The following DOC2A variants were observed in gnomAD, a reference collection of about 807,000 sequenced individuals.
The protein encoded by DOC2A is double C2-like domain-containing protein alpha.
Under a neutral mutation model 40.6 loss-of-function variants are expected in DOC2A, and 28 were observed. The ratio of observed to expected loss-of-function variants is 0.69; its 90% confidence interval spans 0.51 to 0.95. The LOEUF is 0.95. Ranked by LOEUF, DOC2A falls within the 40% of genes least tolerant of loss-of-function variation. The pLI is 0.00. For synonymous variants in DOC2A, 241 were observed against 236.9 expected (o/e 1.02, Z -0.16); for missense variants, 474 against 552.5 (o/e 0.86, Z 1.42).
rs368650314 is a variant in DOC2A, at chr16:30,006,379, C to T, written c.1057+34G>A. 42 of 1,613,216 alleles carry T rather than the reference C, an allele frequency of 2.6e-5. No homozygotes were observed. The Admixed American group carries it at 2.7e-4, about 10-fold the overall frequency. ...CAGGGCCACCTCCCTGCCACTTGCCCGCCCTCAACACCCGCAGCCAGCTCC... is the reference window on the plus strand; with the variant it reads ...CAGGGCCACCTCCCTGCCACTTGCCTGCCCTCAACACCCGCAGCCAGCTCC... On this transcript the variant is annotated intron_variant, in intron 10 of 10. Coordinates refer to ENST00000350119, the MANE Select transcript of DOC2A (RefSeq NM_003586.3). The surrounding 1 kb of genome is among the most constrained non-coding windows in gnomAD (Gnocchi z 6.2).
intron 1 of DOC2A, chr16:30,021,090 C>CA (rs2070903323): frequency 6.6e-6 from 1 of 152,258 alleles, no homozygotes; most frequent in African/African-American, 2.4e-5. Context: ...TCCCCACCCC[C>CA]GCCCCGCTGC....
In DOC2A at chr16:30,010,540, G is replaced by A. The variant is rs1596707557; in HGVS notation, c.-13-305C>T. On this transcript the variant is annotated intron_variant, in intron 1 of 10. Transcript: ENST00000350119. The surrounding 1 kb of genome is among the most constrained non-coding windows in gnomAD (Gnocchi z 4.2). ...TTGCCAGCTCCTTCCTCTCCTCCGG[G>A]GCTCCCCTCTGCTCCTGAGCCTGCC... is the stretch of plus-strand genomic sequence containing the variant. 1 of 454,636 alleles carries A rather than the reference G, an allele frequency of 2.2e-6. No individual in the cohort carries two copies. 28.2% of individuals were successfully genotyped at this position (454,636 alleles called of 1,614,324 possible). A position where few individuals can be genotyped will look rare whatever the true frequency, so the allele number is the denominator to read the frequency against.
Position 30,010,979 on chromosome 16 carries a change from G to T in DOC2A, c.-90C>A, listed in dbSNP as rs891600349. 1.0e-6 allele frequency: 1 copy of T among 1,003,316 alleles called. No individual in the cohort carries two copies. Among genetic ancestry groups the T allele is most frequent in the Non-Finnish European group, 1.2e-6 (1 of 840,412 alleles). The allele number at this position is 1,003,316 out of a possible 1,614,324, so 62.2% of individuals were successfully genotyped here. Reference sequence around the variant, plus strand: ...GGCGGCGGCGGCCGGCGAGGAGAGCGCGGAGTCGAGCTGTGCGAGCCGAGA... The same window carrying T: ...GGCGGCGGCGGCCGGCGAGGAGAGCTCGGAGTCGAGCTGTGCGAGCCGAGA... On this transcript the variant is annotated 5_prime_UTR_variant, in exon 1 of 11. Coordinates refer to ENST00000350119, the MANE Select transcript of DOC2A (RefSeq NM_003586.3). This position sits in a 1 kb window ranked among gnomAD's most constrained non-coding sequence, Gnocchi z 4.2.
chr16:30,016,052 T>TAC (rs1315900199), upstream of DOC2A, among the ~76,000 whole-genome samples: 95 of 23,378 alleles, frequency 4.1e-3, no homozygotes, highest in Non-Finnish European at 6.0e-3. Context: ...TATATATATA[T>TAC]ATATTTTTTT....
chr16:30,011,455 C>T, upstream of DOC2A: 1 of 980,758 alleles, frequency 1.0e-6, no homozygotes, highest in South Asian at 4.7e-5. Flanking sequence ...CGCCCCCGCC[C>T]GCGCGCGCGG....
upstream of DOC2A, among the ~76,000 whole-genome samples, chr16:30,014,504 G>A (rs964484220): frequency 3.3e-5 from 5 of 151,906 alleles, no homozygotes; most frequent in South Asian, 2.1e-4. Context: ...GCGTGGAGGC[G>A]GGCAACTGTA....
chr16:30,013,101 C>T (rs1377584832), upstream of DOC2A, among the ~76,000 whole-genome samples: 1 of 145,596 alleles, frequency 6.9e-6, no homozygotes, highest in African/African-American at 2.6e-5. Flanking sequence ...ACGGACTGAT[C>T]CCTTGAGCTC....
chr16:30,010,053 A>G lies in DOC2A; in HGVS notation c.170T>C (p.Val57Ala), dbSNP rs1360825803. 2.5e-6 allele frequency: 4 copies of G among 1,611,366 alleles called. No individual in the cohort carries two copies. Among genetic ancestry groups the G allele is most frequent in the Non-Finnish European group, 3.4e-6 (4 of 1,179,102 alleles). ...GGGGEAPAHL[V>A]PLALAPPAAL... ...TGCAGGGGGGGCCAGAGCCAGGGGG[A>G]CCAGATGGGCGGGGGCCTCCCCGCC... The change falls in exon 2 of 11, where the codon GTC (valine) becomes GCC (alanine). Residue 57 changes from valine (V) to alanine (A), a missense_variant. Transcript: ENST00000350119. This position sits in a 1 kb window ranked among gnomAD's most constrained non-coding sequence, Gnocchi z 4.2.
At chr16:30,011,230 G>T (rs1193454602), upstream of DOC2A, 5 of 796,280 alleles carry the variant, frequency 6.3e-6, no homozygotes, top group African/African-American at 5.7e-5. Context: ...ACACACTCGT[G>T]TGCACACATC....
At position 30,008,976 on chromosome 16, in the gene DOC2A, G is replaced by A. The variant is rs1321479985; in HGVS notation, c.527+20C>T. On this transcript the variant is annotated intron_variant, in intron 5 of 10. Coordinates refer to ENST00000350119, the MANE Select transcript of DOC2A (RefSeq NM_003586.3). ...GCTGTCCCCGAGCTGCTGCTGGGTG[G>A]TGGGGAGGGGGGCCCTCACCTGAGC... 1.3e-6 allele frequency: 2 copies of A among 1,549,128 alleles called. No individual in the cohort carries two copies. The highest frequency in any genetic ancestry group is 2.2e-5 in the East Asian group (1 of 44,618).
At chr16:30,018,721 G>A (rs1347132614) in intron 1 of DOC2A, 2 of 152,138 alleles carry the variant, frequency 1.3e-5, no homozygotes, top group Admixed American at 6.6e-5. Context: ...GGTCTGGGCT[G>A]GAAATATACA....
rs768461401 is a variant in DOC2A, at chr16:30,006,916, C to T, written c.747G>A (p.Leu249=). Residue 249 remains leucine, a synonymous_variant, in exon 8 of 11, where the codon CTG becomes CTA. Transcript: ENST00000350119. This position sits in a 1 kb window ranked among gnomAD's most constrained non-coding sequence, Gnocchi z 6.2. ...LEQAEQGQGL[L]EERGRILLSL... ...TCAGCAGGATGCGGCCACGCTCCTCCAGCAGCCCCTGCCCCTGCTCCGCCT... is the reference window on the plus strand; with the variant it reads ...TCAGCAGGATGCGGCCACGCTCCTCTAGCAGCCCCTGCCCCTGCTCCGCCT... 1.4e-5 allele frequency: 23 copies of T among 1,613,036 alleles called. No homozygotes were observed. In the African/African-American group the frequency reaches 2.4e-4, roughly 17 times the overall value.
At chr16:30,016,123 G>T (rs1413081867), upstream of DOC2A, among the ~76,000 whole-genome samples, 1 of 134,562 alleles carries the variant, frequency 7.4e-6, no homozygotes, top group African/African-American at 2.9e-5. Flanking sequence ...GCAGTGGCAC[G>T]ATCTTGGCTC....
At position 30,009,251 on chromosome 16, in the gene DOC2A, C is replaced by T. The variant is rs867280784; in HGVS notation, c.368G>A (p.Gly123Asp). 6.4e-7 allele frequency: 1 copy of T among 1,564,144 alleles called. No homozygotes were observed. Among genetic ancestry groups the T allele is most frequent in the Admixed American group, 1.9e-5 (1 of 51,962 alleles). The change falls in exon 4 of 11, where the codon GGC (glycine) becomes GAC (aspartate). Residue 123 changes from glycine to aspartate, a missense_variant. By Grantham distance (94) the Gly-to-Asp change is moderately conservative. Transcript: ENST00000350119. The surrounding 1 kb of genome is among the most constrained non-coding windows in gnomAD (Gnocchi z 4.1). The stretch of plus-strand genomic sequence containing the variant: ...CAGCTTGACGTAGGGGTCGGCGAGG[C>T]CATTGAAATCCATGGGCTTGAGGCC... ...AKGLKPMDFN[G>D]LADPYVKLHL...
At position 30,006,936 on chromosome 16, in the gene DOC2A, C is replaced by T. The variant is rs1276009424; in HGVS notation, c.727G>A (p.Glu243Lys). ...TCCTCCAGCAGCCCCTGCCCCTGCT[C>T]CGCCTGCTCCAACTGCGGGGCACAG... is the stretch of plus-strand genomic sequence containing the variant. ...SCYLKELEQA[E>K]QGQGLLEERG... The change falls in exon 8 of 11, where the codon GAG (glutamate) becomes AAG (lysine). Residue 243 changes from glutamate (E) to lysine (K), a missense_variant. Physicochemically the swap from Glu to Lys is moderately conservative, Grantham distance 56. Transcript: ENST00000350119. This position sits in a 1 kb window ranked among gnomAD's most constrained non-coding sequence, Gnocchi z 6.2. 1.9e-6 allele frequency: 3 copies of T among 1,610,544 alleles called. No homozygotes were observed. Among genetic ancestry groups the T allele is most frequent in the East Asian group, 4.5e-5 (2 of 44,834 alleles).
rs990800138 is a variant in DOC2A at position 30,005,597 on chromosome 16, C to G, written c.*589G>C. The stretch of plus-strand genomic sequence containing the variant: ...AAAAGGCGTAAACATGCACGGGTGT[C>G]CCCCAGGAGGGTGGCAGGGGCCCTG... On this transcript the variant is annotated 3_prime_UTR_variant, in exon 11 of 11. Transcript: ENST00000350119. 18 of 733,854 alleles carry G rather than the reference C, an allele frequency of 2.5e-5. No individual in the cohort carries two copies. The highest frequency in any genetic ancestry group is 4.0e-5 in the Non-Finnish European group (18 of 446,610). 45.5% of individuals were successfully genotyped at this position (733,854 alleles called of 1,614,324 possible). A position where few individuals can be genotyped will look rare whatever the true frequency, so the allele number is the denominator to read the frequency against.
chr16:30,005,522 A>G lies in DOC2A; in HGVS notation c.*664T>C, dbSNP rs2070545968. On this transcript the variant is annotated 3_prime_UTR_variant, in exon 11 of 11. Transcript: ENST00000350119. Reference sequence around the variant, plus strand: ...GCACACACGAGTCCAGCTTCCTCGGAGGTGTTTATTGATGCCCAGCTGCCA... The same window carrying G: ...GCACACACGAGTCCAGCTTCCTCGGGGGTGTTTATTGATGCCCAGCTGCCA... 1.5e-6 allele frequency: 2 copies of G among 1,352,602 alleles called. No homozygotes were observed. The highest frequency in any genetic ancestry group is 2.1e-6 in the Non-Finnish European group (2 of 975,240). 83.8% of individuals were successfully genotyped at this position (1,352,602 alleles called of 1,614,324 possible). A position where few individuals can be genotyped will look rare whatever the true frequency, so the allele number is the denominator to read the frequency against.
At chr16:30,016,055 A>ATATATATATATATT (rs1163519904), upstream of DOC2A, among the ~76,000 whole-genome samples, 1 of 16,900 alleles carries the variant, frequency 5.9e-5, no homozygotes, top group African/African-American at 2.7e-4. Flanking sequence ...ATATATATAT[A>ATATATATATATATT]TTTTTTTTTT....
Position 30,008,930 on chromosome 16 carries a change from C to G in DOC2A, c.527+66G>C. ...CGGGCTTAATGGGACATAGATCAACCAACCAGCGGTTACAATGTCAGCTGT... is the reference window on the plus strand; with the variant it reads ...CGGGCTTAATGGGACATAGATCAACGAACCAGCGGTTACAATGTCAGCTGT... On this transcript the variant is annotated intron_variant, in intron 5 of 10. Transcript: ENST00000350119. The G allele has an allele frequency of 5.4e-6, 6 of 1,113,494 alleles. No individual in the cohort carries two copies. In the Admixed American group the frequency reaches 1.0e-4, roughly 19 times the overall value. The allele number at this position is 1,113,494 out of a possible 1,614,324, so 69.0% of individuals were successfully genotyped here.
Sources: allele counts gnomAD v4.1 joint callset (sites outside exome capture counted in the v4.1 genomes callset), GRCh38; gene constraint gnomAD v4.1.1; non-coding constraint Gnocchi (gnomAD v3.1); transcripts MANE v1.5; gene names NCBI Gene and HGNC (gene_info 2026-07-23, HGNC 2026-07-21).